The following PAK3 variants were observed in gnomAD, a reference collection of about 807,000 sequenced individuals.
PAK3 encodes serine/threonine-protein kinase PAK 3.
In PAK3, 4 loss-of-function variants were observed where a neutral mutation model predicts 41.0. The observed-to-expected ratio is 0.10, with a 90% CI of 0.05 to 0.22. The LOEUF (loss-of-function observed/expected upper bound fraction) is 0.22, where lower values mean the gene tolerates loss of function less well. Among genes scored for constraint, PAK3 ranks in the 10% least tolerant of loss-of-function variants. The pLI, the probability that PAK3 is intolerant of heterozygous loss-of-function variation, is 1.00. For synonymous variants in PAK3, 146 were observed against 139.6 expected (o/e 1.05, Z -0.32); for missense variants, 205 against 409.9 (o/e 0.50, Z 4.32).
intron 4 of PAK3, among the ~76,000 whole-genome samples, chrX:111,113,928 A>G (rs2093419069): frequency 8.9e-6 from 1 of 111,847 alleles, no homozygotes; most frequent in East Asian, 2.8e-4. Context: ...TTCCAGCTTC[A>G]TCTGTGTCCC....
rs201478911 is a variant in PAK3, at chrX:111,076,264, C to T, written c.-27-46813C>T. 5.4e-5 allele frequency among the ~76,000 whole-genome samples: 6 copies of T among 111,632 alleles called. No individual in the cohort carries two copies. The East Asian group carries it at 1.7e-3, about 31-fold the overall frequency. ...ATTATATGGTTTGGATATTCGTCCC[C>T]TCCAAATCTCAAGTTGAAATGTGAT... On this transcript the variant is annotated intron_variant, in intron 1 of 14. Transcript: ENST00000425146.
intron 7 of PAK3, among the ~76,000 whole-genome samples, chrX:111,150,106 G>A (rs1421191019): frequency 9.0e-6 from 1 of 111,629 alleles, no homozygotes; most frequent in African/African-American, 3.3e-5. Flanking sequence ...TAGGGCAGGG[G>A]CAAAATGCTG....
chrX:111,183,710 G>A (rs2149284545), intron 11 of PAK3, among the ~76,000 whole-genome samples: 1 of 111,730 alleles, frequency 9.0e-6, no homozygotes, highest in East Asian at 2.8e-4. Context: ...ACCTGGTCAA[G>A]ATTCCTGATA....
At chrX:111,005,334 C>A (rs1408052744) in intron 1 of PAK3, among the ~76,000 whole-genome samples, 6 of 111,521 alleles carry the variant, frequency 5.4e-5, no homozygotes, top group Non-Finnish European at 9.4e-5. Flanking sequence ...TCAGCTCCCC[C>A]TCAGACCCTC....
At chrX:110,961,762 T>C (rs1324461969) in intron 1 of PAK3, among the ~76,000 whole-genome samples, 1 of 112,121 alleles carries the variant, frequency 8.9e-6, no homozygotes, top group Non-Finnish European at 1.9e-5. Flanking sequence ...ACTTTTTTAG[T>C]CCCCTGGAAT....
chrX:111,144,658 G>C (rs2093919491), intron 6 of PAK3, among the ~76,000 whole-genome samples: 1 of 110,782 alleles, frequency 9.0e-6, no homozygotes, highest in South Asian at 3.9e-4. Flanking sequence ...TCTTACAAGG[G>C]CTTGTTATTT....
intron 16 of PAK3, among the ~76,000 whole-genome samples, chrX:111,202,413 C>T (rs2094694160): frequency 1.8e-5 from 2 of 111,272 alleles, no homozygotes; most frequent in Admixed American, 1.9e-4. Context: ...TTGTACTCAA[C>T]ATAATTGGCC....
chrX:110,951,879 A>G (rs1230005823), intron 1 of PAK3, among the ~76,000 whole-genome samples: 5 of 112,211 alleles, frequency 4.5e-5, no homozygotes, highest in African/African-American at 6.5e-5. Context: ...TTAGAGCTCT[A>G]TCTCATCTTA....
At chrX:111,184,454 G>A (rs1328099055) in intron 11 of PAK3, among the ~76,000 whole-genome samples, 1 of 108,785 alleles carries the variant, frequency 9.2e-6, no homozygotes, top group Non-Finnish European at 1.9e-5. Flanking sequence ...AGAACGTGCA[G>A]GTTTGTTACA....
chrX:111,079,688 G>A (rs1322479098), intron 1 of PAK3, among the ~76,000 whole-genome samples: 2 of 112,158 alleles, frequency 1.8e-5, no homozygotes, highest in African/African-American at 6.5e-5. Flanking sequence ...CATTTTATAA[G>A]GTTATAACTG....
At chrX:111,198,338 C>T (rs2094638548) in intron 16 of PAK3, among the ~76,000 whole-genome samples, 1 of 112,520 alleles carries the variant, frequency 8.9e-6, no homozygotes, top group Non-Finnish European at 1.9e-5. Flanking sequence ...AATGAAGTTC[C>T]ATGTGTCAAT....
At chrX:111,024,542 T>A (rs1428390132) in intron 1 of PAK3, among the ~76,000 whole-genome samples, 1 of 110,731 alleles carries the variant, frequency 9.0e-6, no homozygotes, top group Admixed American at 9.6e-5. Context: ...GCAAAGCAGT[T>A]AAAAAAGGCA....
chrX:111,152,390 T>A lies in PAK3; in HGVS notation c.431-20T>A. 8.9e-7 allele frequency: 1 copy of A among 1,121,425 alleles called. No individual in the cohort carries two copies. Among genetic ancestry groups the A allele is most frequent in the Non-Finnish European group, 1.2e-6 (1 of 814,580 alleles). The allele number at this position is 1,121,425 out of a possible 1,213,427, so 92.4% of individuals were successfully genotyped here. A position where few individuals can be genotyped will look rare whatever the true frequency, so the allele number is the denominator to read the frequency against. ...CATTCTTTATGAAACAAAAATGACC[T>A]CTCTATTCTCACTTTGCAGATAAAA... On this transcript the variant is annotated intron_variant, in intron 7 of 17. Coordinates refer to ENST00000372007, the MANE Select transcript of PAK3 (RefSeq NM_002578.5).
chrX:111,024,931 G>A (rs775445659), intron 1 of PAK3, among the ~76,000 whole-genome samples: 2 of 111,111 alleles, frequency 1.8e-5, no homozygotes, highest in Admixed American at 9.6e-5. Context: ...TAAGAAAATC[G>A]AAATTATATC....
intron 1 of PAK3, among the ~76,000 whole-genome samples, chrX:111,024,128 C>T (rs958736212): frequency 1.8e-5 from 2 of 111,948 alleles, no homozygotes; most frequent in Admixed American, 1.9e-4. Context: ...CCAGTTTTCC[C>T]AGCACCATTT....
chrX:111,129,442 G>A (rs773557025), intron 5 of PAK3, among the ~76,000 whole-genome samples: 4 of 111,351 alleles, frequency 3.6e-5, no homozygotes, highest in Non-Finnish European at 7.5e-5. Context: ...TGCCCTTTTG[G>A]AAACCTGAAG....
In PAK3 at chrX:111,226,618, T is replaced by C. The variant is rs942506849; in HGVS notation, c.*6171T>C. On this transcript the variant is annotated 3_prime_UTR_variant, in exon 18 of 18. Transcript: ENST00000372007. ...TGAGAAATGTTGACAAATTAATTTGTTGGGAACCAAAGATAGCATTTCTGA... is the reference window on the plus strand; with the variant it reads ...TGAGAAATGTTGACAAATTAATTTGCTGGGAACCAAAGATAGCATTTCTGA... The C allele has an allele frequency of 5.3e-5, 6 of 112,380 alleles. No homozygotes were observed. The highest frequency in any genetic ancestry group is 1.9e-4 in the African/African-American group (6 of 30,917). 9.3% of individuals were successfully genotyped at this position (112,380 alleles called of 1,213,427 possible). A position where few individuals can be genotyped will look rare whatever the true frequency, so the allele number is the denominator to read the frequency against.
chrX:111,139,558 T>A (rs1275111463), intron 5 of PAK3, among the ~76,000 whole-genome samples: 2 of 112,177 alleles, frequency 1.8e-5, no homozygotes, highest in East Asian at 5.6e-4. Context: ...ATCATTTCAC[T>A]GTGATAGAGA....
intron 1 of PAK3, among the ~76,000 whole-genome samples, chrX:111,009,304 G>A (rs1280750602): frequency 3.6e-5 from 4 of 111,515 alleles, no homozygotes; most frequent in Non-Finnish European, 7.5e-5. Context: ...GGGGCAAAGG[G>A]ATATGTGTCT....
Sources: allele counts gnomAD v4.1 joint callset (sites outside exome capture counted in the v4.1 genomes callset), GRCh38; gene constraint gnomAD v4.1.1; transcripts MANE v1.5; gene names NCBI Gene and HGNC (gene_info 2026-07-23, HGNC 2026-07-21).